RAD51B: variants seen among roughly 807,000 people sequenced by gnomAD.
The protein encoded by RAD51B is DNA repair protein RAD51 homolog 2.
In RAD51B, 38 loss-of-function variants were observed where a neutral mutation model predicts 42.2. The observed-to-expected ratio is 0.90, with a 90% CI of 0.70 to 1.18. The LOEUF is 1.18. Ranked by LOEUF, RAD51B falls within the 50% of genes most tolerant of loss-of-function variation. The probability of loss-of-function intolerance (pLI) is 0.00; values close to 1 mark genes in which losing one functional copy is unlikely to be tolerated. For synonymous variants in RAD51B, 154 were observed against 145.2 expected, an observed-to-expected ratio of 1.06 and a Z score of -0.43; for missense variants, 373 against 400.7, an observed-to-expected ratio of 0.93 and a Z score of 0.59.
chr14:68,261,917 C>T (rs17105283), intron 7 of RAD51B, among the ~76,000 whole-genome samples: 11,019 of 152,012 alleles, frequency 0.072, 1,325 homozygotes, highest in African/African-American at 0.25. Flanking sequence ...CACAGTAGGC[C>T]GGGGACGCTG....
intron 4 of RAD51B, among the ~76,000 whole-genome samples, chr14:67,849,182 T>C (rs72725113): frequency 3.4e-4 from 52 of 152,352 alleles, no homozygotes; most frequent in Non-Finnish European, 6.6e-4. Context: ...TTCTCCTCTC[T>C]CAGGAATGCC....
intron 10 of RAD51B, among the ~76,000 whole-genome samples, chr14:68,519,275 A>T (rs905872128): frequency 7.2e-5 from 11 of 152,230 alleles, no homozygotes; most frequent in African/African-American, 2.7e-4. Context: ...GTGGGGCAGG[A>T]GGGTTGTTAT....
intron 9 of RAD51B, among the ~76,000 whole-genome samples, chr14:68,442,786 ATAT>A (rs112886411): frequency 2.3e-4 from 34 of 150,608 alleles, no homozygotes; most frequent in Admixed American, 4.0e-4. Context: ...CTAACCTGTG[ATAT>A]TATTATTATT....
chr14:68,141,911 A>G (rs1451764694), intron 7 of RAD51B, among the ~76,000 whole-genome samples: 2 of 152,084 alleles, frequency 1.3e-5, no homozygotes, highest in East Asian at 1.9e-4. Flanking sequence ...AGCCCCTCCC[A>G]TGTGCTTTCA....
At chr14:67,854,497 G>C (rs970193805) in intron 4 of RAD51B, among the ~76,000 whole-genome samples, 1 of 151,714 alleles carries the variant, frequency 6.6e-6, no homozygotes, top group African/African-American at 2.4e-5. Context: ...AGCTGGGTGT[G>C]GTGGCATGCG....
intron 7 of RAD51B, chr14:67,908,187 C>T (rs1330281807): frequency 1.3e-5 from 2 of 152,136 alleles, no homozygotes; most frequent in South Asian, 2.1e-4. Flanking sequence ...GATTGCTTGG[C>T]CCCATGTTAG....
At chr14:68,371,011 T>C (rs1335296063) in intron 8 of RAD51B, among the ~76,000 whole-genome samples, 1 of 104,570 alleles carries the variant, frequency 9.6e-6, no homozygotes, top group Non-Finnish European at 1.8e-5. Flanking sequence ...CACTCCAGCC[T>C]GGGCAACAGA....
chr14:68,312,093 A>T (rs1262253479), intron 8 of RAD51B, among the ~76,000 whole-genome samples: 1 of 152,238 alleles, frequency 6.6e-6, no homozygotes, highest in Non-Finnish European at 1.5e-5. Context: ...GGACAGTAGC[A>T]CAACGGGGAA....
chr14:68,515,976 G>A (rs1013623654), intron 10 of RAD51B, among the ~76,000 whole-genome samples: 6 of 151,544 alleles, frequency 4.0e-5, no homozygotes, highest in South Asian at 4.2e-4. Flanking sequence ...TAGTAGAGAC[G>A]GGGTTTCACC....
intron 8 of RAD51B, among the ~76,000 whole-genome samples, chr14:68,304,603 AG>A (rs2081821113): frequency 6.6e-6 from 1 of 152,272 alleles, no homozygotes; most frequent in South Asian, 2.1e-4. Context: ...GATAGTCAGT[AG>A]AAAAGCAGTG....
intron 1 of RAD51B, among the ~76,000 whole-genome samples, chr14:67,822,006 T>TGA (rs778506475): frequency 1.3e-5 from 2 of 151,826 alleles, no homozygotes; most frequent in Non-Finnish European, 2.9e-5. Context: ...TGTGTGTGTG[T>TGA]GAGAGAGAGA....
intron 7 of RAD51B, among the ~76,000 whole-genome samples, chr14:67,895,063 C>G (rs552527098): frequency 6.6e-6 from 1 of 152,324 alleles, no homozygotes; most frequent in South Asian, 2.1e-4. Flanking sequence ...GCATGAGCCA[C>G]TGTGCCTGGC....
Position 68,478,071 on chromosome 14 carries a change from C to T in RAD51B, c.*407C>T, listed in dbSNP as rs1433257645. On this transcript the variant is annotated 3_prime_UTR_variant, in exon 11 of 11. Coordinates refer to ENST00000471583, the MANE Select transcript of RAD51B (RefSeq NM_133510.4). ...TTGTAATTACAGGAGGGAACATTTC[C>T]GAATAAAGTATTGTCTACCAGATAA... is the stretch of plus-strand genomic sequence containing the variant. 9 of 1,062,962 alleles carry T rather than the reference C, an allele frequency of 8.5e-6. No homozygotes were observed. The highest frequency in any genetic ancestry group is 1.6e-5 in the African/African-American group (1 of 60,740). 65.8% of individuals were successfully genotyped at this position (1,062,962 alleles called of 1,614,324 possible).
intron 7 of RAD51B, among the ~76,000 whole-genome samples, chr14:68,032,098 C>G (rs1167101033): frequency 6.6e-6 from 1 of 152,116 alleles, no homozygotes; most frequent in African/African-American, 2.4e-5. Flanking sequence ...TTATGTATCT[C>G]TCAGCCTCAG....
rs567739434 is a variant in RAD51B at position 68,581,739 on chromosome 14, G to A, written c.1037-12746G>A. ...AAAAGAACAAACCTGGAGGCATCACGCTACCTGACTTCAAACTATACTACA... is the reference window on the plus strand; with the variant it reads ...AAAAGAACAAACCTGGAGGCATCACACTACCTGACTTCAAACTATACTACA... On this transcript the variant is annotated intron_variant, in intron 10 of 10. Transcript: ENST00000487270. 3.3e-5 allele frequency among the ~76,000 whole-genome samples: 5 copies of A among 152,224 alleles called. No individual in the cohort carries two copies. In the South Asian group the frequency reaches 8.3e-4, roughly 25 times the overall value.
At chr14:68,574,273 C>T (rs1305596816) in intron 10 of RAD51B, among the ~76,000 whole-genome samples, 3 of 152,096 alleles carry the variant, frequency 2.0e-5, no homozygotes, top group Admixed American at 6.6e-5. Context: ...TGGCTGCACG[C>T]ACCAGCATCT....
At chr14:68,417,998 G>T (rs1372564258) in intron 9 of RAD51B, among the ~76,000 whole-genome samples, 1 of 152,158 alleles carries the variant, frequency 6.6e-6, no homozygotes, top group Non-Finnish European at 1.5e-5. Context: ...AAGGTGGAGA[G>T]TCAGTCTTTC....
rs143725333 is a variant in RAD51B, at chr14:68,095,529, A to T, written c.757-196355A>T. ...TACTTCCCTCCCTTCAATTTCATGT[A>T]TACTGTTTTTTGTTTTTATTTTTCT... On this transcript the variant is annotated intron_variant, in intron 7 of 10. Coordinates refer to ENST00000471583, the MANE Select transcript of RAD51B (RefSeq NM_133510.4). Among the ~76,000 whole-genome samples the T allele has an allele frequency of 4.1e-3, 627 of 152,104 alleles. 2 individuals are homozygous for T. Among genetic ancestry groups the T allele is most frequent in the Middle Eastern group, 0.017 (5 of 294 alleles).
At chr14:68,143,603 A>T (rs895139601) in intron 7 of RAD51B, among the ~76,000 whole-genome samples, 6 of 152,198 alleles carry the variant, frequency 3.9e-5, no homozygotes, top group Non-Finnish European at 7.3e-5. Flanking sequence ...CCCATACCAC[A>T]CACACAAACC....
Sources: gnomAD v4.1 joint callset for allele counts (sites outside exome capture counted in the v4.1 genomes callset) on GRCh38, gnomAD v4.1.1 for gene constraint, MANE v1.5 for transcripts, NCBI Gene and HGNC (gene_info 2026-07-23, HGNC 2026-07-21) for gene names.